The following NAV1 variants were observed in gnomAD, a reference collection of about 807,000 sequenced individuals.
NAV1 encodes pore membrane and/or filament interacting like protein 3.
NAV1 carries 18 observed loss-of-function variants against 175.2 expected under a neutral mutation model. That is an observed-to-expected ratio of 0.10 (90% CI 0.07 to 0.15). NAV1 has a LOEUF of 0.15. Ranked by LOEUF, NAV1 falls within the 10% of genes least tolerant of loss-of-function variation. The pLI is 1.00. For missense variants in NAV1, 1,731 were observed against 2,436.6 expected, an observed-to-expected ratio of 0.71 and a Z score of 6.10; for synonymous variants, 897 against 978.7, an observed-to-expected ratio of 0.92 and a Z score of 1.56.
At chr1:201,562,811 G>T (rs1666240186) in intron 1 of NAV1, among the ~76,000 whole-genome samples, 1 of 152,102 alleles carries the variant, frequency 6.6e-6, no homozygotes, top group South Asian at 2.1e-4. Context: ...GAGGGGTGGG[G>T]CAGGCCCTGC....
At chr1:201,817,023 G>A (rs1679082771) in intron 28 of NAV1, 65 bp from the exon 33 acceptor site, 1 of 1,482,460 alleles carries the variant, frequency 6.7e-7, no homozygotes, top group Non-Finnish European at 9.3e-7. Context: ...ACTACCAAAA[G>A]ACTGCATGAA....
At chr1:201,793,864 G>A (rs1178532167) in exon 14 of NAV1, 1 of 1,575,386 alleles carries the variant, frequency 6.3e-7, no homozygotes, top group East Asian at 2.4e-5. Flanking sequence ...GGCAGAGACG[G>A]CCGAGGAGAA....
chr1:201,700,037 ACTT>A (rs1337353892), intron 1 of NAV1, among the ~76,000 whole-genome samples: 4 of 152,240 alleles, frequency 2.6e-5, no homozygotes, highest in Non-Finnish European at 5.9e-5. Flanking sequence ...ATGGGCAAGA[ACTT>A]CATGACTAAA....
intron 15 of NAV1, 38 bp from the exon 20 acceptor site, chr1:201,803,555 A>G: frequency 6.2e-7 from 1 of 1,604,166 alleles, no homozygotes; most frequent in South Asian, 1.1e-5. Flanking sequence ...TCCTCTCTAA[A>G]TCTGTTCTAT....
At chr1:201,789,693 G>A (rs758371725) in intron 10 of NAV1, 47 bp from the exon 15 acceptor site, 17 of 1,587,440 alleles carry the variant, frequency 1.1e-5, no homozygotes, top group Non-Finnish European at 1.7e-6. Context: ...AAAACCCCTT[G>A]TCCCTGGAAC....
chr1:201,650,847 C>G (rs564016329), intron 1 of NAV1, among the ~76,000 whole-genome samples: 1 of 152,212 alleles, frequency 6.6e-6, no homozygotes, highest in Admixed American at 6.5e-5. Flanking sequence ...CCTGGGAGCC[C>G]CTCCTGAAGG....
At chr1:201,723,118 G>GA (rs1385717687) in intron 3 of NAV1, among the ~76,000 whole-genome samples, 1 of 152,140 alleles carries the variant, frequency 6.6e-6, no homozygotes, top group Middle Eastern at 3.2e-3. Flanking sequence ...CTCAAAAAAA[G>GA]AAAAAACCCA....
intron 1 of NAV1, among the ~76,000 whole-genome samples, chr1:201,670,109 G>A (rs770977353): frequency 2.6e-5 from 4 of 151,352 alleles, no homozygotes; most frequent in Non-Finnish European, 5.9e-5. Context: ...AGGTAAGCTC[G>A]GGCCGGGTGC....
chr1:201,787,647 G>GC lies in NAV1; in HGVS notation c.2996-820dup. The GC allele has an allele frequency of 2.2e-6, 1 of 456,224 alleles. No homozygotes were observed. The highest frequency in any genetic ancestry group is 4.4e-6 in the Non-Finnish European group (1 of 226,942). 28.3% of individuals were successfully genotyped at this position (456,224 alleles called of 1,614,324 possible). Reference sequence around the variant, plus strand: ...ACAGAGAGGTGTGCCATCTTCTTCTGCACAGGTCTTTATGGACAGATTAGA... The same window carrying GC: ...ACAGAGAGGTGTGCCATCTTCTTCTGCCACAGGTCTTTATGGACAGATTAGA... On this transcript the variant is annotated intron_variant, in intron 9 of 29. Coordinates refer to ENST00000367296, the Ensembl canonical transcript of NAV1. This position sits in a 1 kb window ranked among gnomAD's most constrained non-coding sequence, Gnocchi z 4.3.
chr1:201,596,565 C>T (rs1177161882), intron 2 of NAV1, among the ~76,000 whole-genome samples: 2 of 152,346 alleles, frequency 1.3e-5, no homozygotes, highest in South Asian at 2.1e-4. Context: ...GACACTGTCA[C>T]TCTCTGGCTC....
At position 201,734,461 on chromosome 1, in the gene NAV1, G is replaced by GGAGGAGGAA. The variant is rs1673005569; in HGVS notation, c.1226+15715_1226+15723dup. Reference sequence around the variant, plus strand: ...AAGAAGAAGAAGAAGAGGAGGAGGAGGAGGAGGAAGAGGAGGAGGAGGAGG... The same window carrying GGAGGAGGAA: ...AAGAAGAAGAAGAAGAGGAGGAGGAGGAGGAGGAAGAGGAGGAAGAGGAGGAGGAGGAGG... On this transcript the variant is annotated intron_variant, in intron 3 of 29. Transcript: ENST00000367296. 4.7e-5 allele frequency among the ~76,000 whole-genome samples: 5 copies of GGAGGAGGAA among 107,148 alleles called. No homozygotes were observed. In the South Asian group the frequency reaches 1.2e-3, roughly 26 times the overall value. 70.3% of individuals were successfully genotyped at this position (107,148 alleles called of 152,430 possible). A position where few individuals can be genotyped will look rare whatever the true frequency, so the allele number is the denominator to read the frequency against.
At chr1:201,680,910 T>G (rs1239502683) in intron 1 of NAV1, among the ~76,000 whole-genome samples, 1 of 152,162 alleles carries the variant, frequency 6.6e-6, no homozygotes, top group South Asian at 2.1e-4. Context: ...GCGCCCATGC[T>G]TCTTTACTTC....
chr1:201,566,823 G>C (rs376825079), intron 1 of NAV1, among the ~76,000 whole-genome samples: 3 of 151,358 alleles, frequency 2.0e-5, no homozygotes, highest in Non-Finnish European at 4.4e-5. Flanking sequence ...AGGCAGGTTT[G>C]TCTACCTGAG....
chr1:201,633,359 G>C (rs938027407), intron 2 of NAV1, among the ~76,000 whole-genome samples: 5 of 152,198 alleles, frequency 3.3e-5, no homozygotes, highest in Non-Finnish European at 7.3e-5. Context: ...ATTACTCTGT[G>C]TTATGGATAG....
rs114015205 is a variant in NAV1 at position 201,671,288 on chromosome 1, C to T, written c.757+21863C>T. Among the ~76,000 whole-genome samples, 1,379 of 152,172 alleles carry T rather than the reference C, an allele frequency of 9.1e-3. 22 individuals carry two copies. Among genetic ancestry groups the T allele is most frequent in the African/African-American group, 0.031 (1,267 of 41,490 alleles). On this transcript the variant is annotated intron_variant, in intron 1 of 29. Transcript: ENST00000367296. ...CCATCTCCCTGTATGACATTGATCC[C>T]TCTTCATATGTCCTTTTTACGGGCT...
chr1:201,543,989 C>T (rs1214310553), intron 1 of NAV1, among the ~76,000 whole-genome samples: 2 of 152,350 alleles, frequency 1.3e-5, no homozygotes, highest in African/African-American at 2.4e-5. Flanking sequence ...GCCGGAGGGG[C>T]CACCACTGGC....
intron 2 of NAV1, among the ~76,000 whole-genome samples, chr1:201,639,373 T>G (rs937261842): frequency 3.3e-5 from 5 of 152,094 alleles, no homozygotes; most frequent in African/African-American, 1.2e-4. Flanking sequence ...GTTCTGGCTT[T>G]AAAAGAAGGA....
intron 1 of NAV1, among the ~76,000 whole-genome samples, chr1:201,651,935 A>G (rs896385020): frequency 7.9e-5 from 12 of 151,840 alleles, no homozygotes; most frequent in African/African-American, 4.8e-5. Context: ...AAAGGAGGGG[A>G]GTTGGTGACC....
intron 1 of NAV1, among the ~76,000 whole-genome samples, chr1:201,573,326 C>T (rs913914915): frequency 8.0e-5 from 12 of 150,878 alleles, no homozygotes; most frequent in Non-Finnish European, 1.5e-4. Context: ...TGTGTGTATG[C>T]GTGTGTGTGT....
Sources: gnomAD v4.1 joint callset for allele counts (sites outside exome capture counted in the v4.1 genomes callset) on GRCh38, gnomAD v4.1.1 for gene constraint, Gnocchi (gnomAD v3.1) non-coding constraint, MANE v1.5 for transcripts, NCBI Gene and HGNC (gene_info 2026-07-23, HGNC 2026-07-21) for gene names.